The following COBL variants were observed in gnomAD, a reference collection of about 807,000 sequenced individuals.
The protein encoded by COBL is protein cordon-bleu.
Under a neutral mutation model 98.8 loss-of-function variants are expected in COBL, and 51 were observed. The observed-to-expected ratio is 0.52, with a 90% CI of 0.41 to 0.65. The LOEUF (loss-of-function observed/expected upper bound fraction) is 0.65. COBL is among the 30% of genes least tolerant of loss of function. The pLI, the probability that COBL is intolerant of heterozygous loss-of-function variation, is 0.00. For synonymous variants in COBL, 634 were observed against 651.7 expected, an observed-to-expected ratio of 0.97 and a Z score of 0.41; for missense variants, 1,617 against 1,617.5, an observed-to-expected ratio of 1.00 and a Z score of 0.01.
At chr7:51,112,635 A>G (rs1229696498) in intron 6 of COBL, among the ~76,000 whole-genome samples, 7 of 152,164 alleles carry the variant, frequency 4.6e-5, no homozygotes, top group Admixed American at 1.3e-4. Context: ...TAGGCCTTGC[A>G]TGGGGTCGGC....
chr7:51,219,543 T>C (rs1371129606), intron 2 of COBL, among the ~76,000 whole-genome samples, 198 bp downstream of exon 2: 1 of 152,176 alleles, frequency 6.6e-6, no homozygotes, highest in Non-Finnish European at 1.5e-5. Flanking sequence ...GCTGGATCAA[T>C]TAGCATAAGC....
In COBL at chr7:51,028,936, G is replaced by A. The variant is rs762602710; in HGVS notation, c.2160C>T (p.Tyr720=). The stretch of plus-strand genomic sequence containing the variant: ...CGGTGGAGAGGGACACATCTCTGTC[G>A]TAACATCGCATCTCTGACTTTGGAG... ...IIPPKSEMRC[Y]DRDVSLSTGA... Residue 720 remains tyrosine (Y), a synonymous_variant, in exon 10 of 13, where the codon TAC becomes TAT. Coordinates refer to ENST00000265136, the MANE Select transcript of COBL (RefSeq NM_015198.5). 18 of 1,614,056 alleles carry A rather than the reference G, an allele frequency of 1.1e-5. No homozygotes were observed. The highest frequency in any genetic ancestry group is 7.7e-5 in the South Asian group (7 of 91,080).
At chr7:51,136,483 G>T in intron 5 of COBL, 152 bp from the exon 6 acceptor site, 1 of 773,048 alleles carries the variant, frequency 1.3e-6, no homozygotes, top group Non-Finnish European at 2.0e-6. Flanking sequence ...AGCAAGCCCT[G>T]CCTGTAGCTT....
intron 8 of COBL, among the ~76,000 whole-genome samples, chr7:51,041,254 T>C (rs989013484): frequency 6.6e-6 from 1 of 152,058 alleles, no homozygotes; most frequent in Non-Finnish European, 1.5e-5. Context: ...TTAACATTAT[T>C]AGGGATGTGT....
chr7:51,220,184 G>A (rs2129088614), intron 1 of COBL, among the ~76,000 whole-genome samples: 1 of 152,306 alleles, frequency 6.6e-6, no homozygotes, highest in East Asian at 1.9e-4. Flanking sequence ...TGCTGTCAGG[G>A]AGGTACACAA....
At chr7:51,315,317 G>A (rs933611356) in intron 1 of COBL, among the ~76,000 whole-genome samples, 4 of 151,556 alleles carry the variant, frequency 2.6e-5, no homozygotes, top group Non-Finnish European at 5.9e-5. Flanking sequence ...TCAGCTTCAG[G>A]ATTATTTGAT....
chr7:51,177,697 C>G (rs556198292), intron 5 of COBL, among the ~76,000 whole-genome samples: 1 of 151,542 alleles, frequency 6.6e-6, no homozygotes, highest in Non-Finnish European at 1.5e-5. Context: ...CACTTGAACC[C>G]AGGAGGCAGA....
chr7:51,026,766 C>T (rs1313286742), intron 10 of COBL, 101 bp from the exon 11 acceptor site: 2 of 1,420,174 alleles, frequency 1.4e-6, no homozygotes, highest in Non-Finnish European at 1.9e-6. Flanking sequence ...GGCACGGTGG[C>T]TCATGCCTGT....
chr7:51,207,216 T>C (rs2129071829), intron 2 of COBL, among the ~76,000 whole-genome samples: 1 of 150,830 alleles, frequency 6.6e-6, no homozygotes, highest in South Asian at 2.1e-4. Context: ...CTTTTCCCAA[T>C]AGGTACTTGG....
chr7:51,223,643 C>T (rs1793877093), intron 1 of COBL, among the ~76,000 whole-genome samples: 1 of 152,242 alleles, frequency 6.6e-6, no homozygotes, highest in African/African-American at 2.4e-5. Flanking sequence ...TCACTGTACT[C>T]TCTGCCTCAC....
intron 6 of COBL, among the ~76,000 whole-genome samples, chr7:51,098,185 C>T (rs892123215): frequency 2.1e-5 from 3 of 143,954 alleles, no homozygotes; most frequent in South Asian, 2.2e-4. Context: ...ACAATCTATA[C>T]ATTCAAAGCA....
intron 8 of COBL, among the ~76,000 whole-genome samples, chr7:51,039,866 T>C (rs1788997541): frequency 6.6e-6 from 1 of 152,184 alleles, no homozygotes; most frequent in Non-Finnish European, 1.5e-5. Flanking sequence ...AAAATCTAGA[T>C]TTCTGGCTTC....
chr7:51,196,423 C>T (rs566725201), intron 2 of COBL, among the ~76,000 whole-genome samples: 2 of 152,134 alleles, frequency 1.3e-5, no homozygotes, highest in African/African-American at 2.4e-5. Flanking sequence ...AGGATTTCTG[C>T]GCTGATGTTC....
At chr7:51,263,113 G>C (rs1182556660) in intron 1 of COBL, among the ~76,000 whole-genome samples, 1 of 152,222 alleles carries the variant, frequency 6.6e-6, no homozygotes, top group Non-Finnish European at 1.5e-5. Flanking sequence ...GTGGTGTGTG[G>C]AGTTGGGGAG....
chr7:51,035,823 G>A (rs936672199), intron 8 of COBL: 2 of 152,140 alleles, frequency 1.3e-5, no homozygotes, highest in Admixed American at 1.3e-4. Flanking sequence ...CATACTGGAC[G>A]GTGCAGCTCT....
chr7:51,305,917 T>A (rs1008385073), intron 1 of COBL, among the ~76,000 whole-genome samples: 1 of 152,078 alleles, frequency 6.6e-6, no homozygotes, highest in African/African-American at 2.4e-5. Context: ...GTGCCTGTAA[T>A]CCCAGCTACT....
At chr7:51,227,371 C>T (rs548899279) in intron 1 of COBL, among the ~76,000 whole-genome samples, 1 of 152,242 alleles carries the variant, frequency 6.6e-6, no homozygotes, top group South Asian at 2.1e-4. Flanking sequence ...AGGACGTGCC[C>T]CGGCATGACA....
intron 11 of COBL, 72 bp from the exon 12 acceptor site, chr7:51,025,444 C>T (rs1193837309): frequency 5.9e-6 from 9 of 1,520,542 alleles, no homozygotes; most frequent in African/African-American, 1.4e-5. Flanking sequence ...AATCCCAACG[C>T]CCAAGGTAGT....
chr7:51,177,590 A>G (rs997771457), intron 5 of COBL, among the ~76,000 whole-genome samples: 32 of 151,804 alleles, frequency 2.1e-4, no homozygotes, highest in Non-Finnish European at 7.4e-5. Flanking sequence ...CCTGGCTGAC[A>G]TGTGAAACCC....
Sources: gnomAD v4.1 joint callset for allele counts (sites outside exome capture counted in the v4.1 genomes callset) on GRCh38, gnomAD v4.1.1 for gene constraint, MANE v1.5 for transcripts, NCBI Gene and HGNC (gene_info 2026-07-23, HGNC 2026-07-21) for gene names.